The following CLTCL1 variants were observed in gnomAD, a reference collection of about 807,000 sequenced individuals.
The protein encoded by CLTCL1 is clathrin heavy chain 2.
Under a neutral mutation model 190.0 loss-of-function variants are expected in CLTCL1, and 159 were observed. The ratio of observed to expected loss-of-function variants is 0.84; its 90% confidence interval spans 0.74 to 0.95. The LOEUF is 0.95. Among genes scored for constraint, CLTCL1 ranks in the 40% least tolerant of loss-of-function variants. The pLI is 0.00. For missense variants in CLTCL1, 1,878 were observed against 2,033.4 expected (o/e 0.92, Z 1.47); for synonymous variants, 752 against 769.6 (o/e 0.98, Z 0.38).
In CLTCL1 at chr22:19,191,440, G is replaced by A; in HGVS notation, c.4192-5C>T. 1 of 1,612,814 alleles carries A rather than the reference G, an allele frequency of 6.2e-7. No homozygotes were observed. The highest frequency in any genetic ancestry group is 8.5e-7 in the Non-Finnish European group (1 of 1,179,830). On this transcript the variant is annotated splice_region_variant and splice_polypyrimidine_tract_variant and intron_variant, in intron 26 of 32. Coordinates refer to ENST00000427926, the MANE Select transcript of CLTCL1 (RefSeq NM_007098.4). ...ACAGAGCTCGACGTTGGCAACCTGT[G>A]GTGAGCAAAGCTGAGGGTCAGTCCC...
Position 19,203,957 on chromosome 22 carries a change from C to T in CLTCL1, c.3601-2464G>A, listed in dbSNP as rs904520135. Reference sequence around the variant, plus strand: ...CACCCCACTTGGCAGCACGCCCTGCCGGCTCTGCCTTCAACACACATCCAG... The same window carrying T: ...CACCCCACTTGGCAGCACGCCCTGCTGGCTCTGCCTTCAACACACATCCAG... On this transcript the variant is annotated intron_variant, in intron 22 of 32. Coordinates refer to ENST00000427926, the MANE Select transcript of CLTCL1 (RefSeq NM_007098.4). 2.0e-4 allele frequency among the ~76,000 whole-genome samples: 30 copies of T among 152,342 alleles called. 1 individual carries two copies. The highest frequency in any genetic ancestry group is 1.2e-3 in the Admixed American group (18 of 15,312).
intron 17 of CLTCL1, among the ~76,000 whole-genome samples, chr22:19,220,661 G>A (rs1601560719): frequency 6.6e-6 from 1 of 152,226 alleles, no homozygotes; most frequent in East Asian, 1.9e-4. Context: ...GCACAAGGCT[G>A]AGCGGCGTGC....
chr22:19,209,181 T>C, intron 20 of CLTCL1, 67 bp from the exon 21 acceptor site: 1 of 1,427,902 alleles, frequency 7.0e-7, no homozygotes, highest in Non-Finnish European at 9.4e-7. Flanking sequence ...AGACACATTT[T>C]TGTTTGGTTT....
chr22:19,209,266 A>C, intron 20 of CLTCL1, 152 bp from the exon 21 acceptor site: 1 of 613,454 alleles, frequency 1.6e-6, no homozygotes. Context: ...TCTCAGATGG[A>C]CAGGTTGAGG....
intron 30 of CLTCL1, 168 bp downstream of exon 30, chr22:19,183,222 C>A (rs1265259318): frequency 1.6e-5 from 10 of 615,624 alleles, no homozygotes; most frequent in Non-Finnish European, 2.9e-5. Context: ...GGGCAGAAAA[C>A]CACTTCAGCA....
chr22:19,270,057 GA>G (rs1284753780), intron 2 of CLTCL1, among the ~76,000 whole-genome samples: 3 of 151,964 alleles, frequency 2.0e-5, no homozygotes, highest in Non-Finnish European at 4.4e-5. Flanking sequence ...CTAAAAACTG[GA>G]AACAATCCAA....
intron 2 of CLTCL1, chr22:19,258,227 G>A: frequency 5.9e-6 from 2 of 339,908 alleles, no homozygotes; most frequent in Admixed American, 4.0e-5. Context: ...GACTGTGGAG[G>A]CAGATGTCCA....
At chr22:19,180,665 G>T in intron 31 of CLTCL1, 66 bp downstream of exon 31, 1 of 1,513,998 alleles carries the variant, frequency 6.6e-7, no homozygotes, top group Non-Finnish European at 9.2e-7. Context: ...CCAGGTAAGG[G>T]CAGTGGGACT....
chr22:19,275,307 CA>C (rs1462926347), intron 2 of CLTCL1, among the ~76,000 whole-genome samples: 1 of 151,994 alleles, frequency 6.6e-6, no homozygotes, highest in Non-Finnish European at 1.5e-5. Context: ...GGCCCTCAGG[CA>C]AGGGGGCCAC....
At chr22:19,233,372 C>T in intron 8 of CLTCL1, 50 bp downstream of exon 8, 1 of 1,610,558 alleles carries the variant, frequency 6.2e-7, no homozygotes, top group Non-Finnish European at 8.5e-7. Flanking sequence ...GGAGCCTGGA[C>T]CAAGTTTTCA....
Position 19,222,082 on chromosome 22 carries a change from G to T in CLTCL1, c.2430C>A (p.Ser810Arg). 1 of 1,613,932 alleles carries T rather than the reference G, an allele frequency of 6.2e-7. No homozygotes were observed. The highest frequency in any genetic ancestry group is 8.5e-7 in the Non-Finnish European group (1 of 1,179,846). Residue 810 changes from serine (S) to arginine (R), a missense_variant, in exon 16 of 33, where the codon AGC (serine) becomes AGA (arginine). By Grantham distance (110) the Ser-to-Arg change is moderately radical. Transcript: ENST00000427926. The stretch of plus-strand genomic sequence containing the variant: ...GCCCTCCAATCACAGCTGGGGTCCG[G>T]CTAGGGTTGACCTAGGGTAGTCAAG... ...IEIYVQKVNPSRTPAVIGGLL... is the reference protein window; with the variant it reads ...IEIYVQKVNPRRTPAVIGGLL...
chr22:19,266,087 T>C (rs1466271215), intron 2 of CLTCL1, among the ~76,000 whole-genome samples: 1 of 142,980 alleles, frequency 7.0e-6, no homozygotes, highest in African/African-American at 2.4e-5. Flanking sequence ...CTCCCTATGT[T>C]GCCCAGGCTG....
chr22:19,183,216 A>C, intron 30 of CLTCL1, 174 bp downstream of exon 30: 1 of 605,218 alleles, frequency 1.7e-6, no homozygotes, highest in East Asian at 2.8e-5. Flanking sequence ...AACGTTGGGC[A>C]GAAAACCACT....
In CLTCL1 at chr22:19,199,752, C is replaced by T; in HGVS notation, c.3855G>A (p.Glu1285=). ...TGGTCACCTGGTAATAGCACATCAG[C>T]TCCTCCAGCTCATCTGCATGAATGA... ...HIVIHADELE[E]LMCYYQDRGY... is the part of the protein sequence containing the mutation. Residue 1285 remains glutamate (E), a synonymous_variant, in exon 24 of 33, where the codon GAG becomes GAA. Coordinates refer to ENST00000427926, the MANE Select transcript of CLTCL1 (RefSeq NM_007098.4). 2 of 1,589,456 alleles carry T rather than the reference C, an allele frequency of 1.3e-6. No individual in the cohort carries two copies. Among genetic ancestry groups the T allele is most frequent in the South Asian group, 2.3e-5 (2 of 86,618 alleles).
chr22:19,188,163 G>A (rs1369716676), intron 27 of CLTCL1, 72 bp from the exon 28 acceptor site: 1 of 1,356,228 alleles, frequency 7.4e-7, no homozygotes, highest in Non-Finnish European at 1.1e-6. Context: ...GGGCACAGGT[G>A]GGCACGTGCG....
rs782113628 is a variant in CLTCL1 at position 19,222,763 on chromosome 22, C to G, written c.2339G>C (p.Arg780Pro). Residue 780 changes from arginine (R) to proline (P), a missense_variant, in exon 15 of 33, where the codon CGT becomes CCT. Arg to Pro is a moderately radical substitution (Grantham distance 103, BLOSUM62 -2). Coordinates refer to ENST00000427926, the MANE Select transcript of CLTCL1 (RefSeq NM_007098.4). ...GACAAGGTCATGGACAAAGCCAAAA[C>G]GATCACACACGATGATGAGGGGAAG... ...DQLPLIIVCDRFGFVHDLVLY... is the reference protein window; with the variant it reads ...DQLPLIIVCDPFGFVHDLVLY... The G allele has an allele frequency of 5.6e-6, 9 of 1,600,260 alleles. No homozygotes were observed. Among genetic ancestry groups the G allele is most frequent in the Middle Eastern group, 1.6e-4 (1 of 6,070 alleles).
chr22:19,252,575 A>G (rs552655939), intron 3 of CLTCL1, among the ~76,000 whole-genome samples: 1 of 152,288 alleles, frequency 6.6e-6, no homozygotes, highest in South Asian at 2.1e-4. Flanking sequence ...CAGTTCCTTA[A>G]TTACTAGAAT....
intron 18 of CLTCL1, among the ~76,000 whole-genome samples, chr22:19,218,630 T>C (rs537112601): frequency 1.3e-5 from 2 of 152,298 alleles, no homozygotes; most frequent in East Asian, 1.9e-4. Flanking sequence ...AAGCCACTTG[T>C]TGGACGAGGG....
chr22:19,217,105 CTT>C (rs1226452414), intron 18 of CLTCL1, among the ~76,000 whole-genome samples: 1 of 152,152 alleles, frequency 6.6e-6, no homozygotes, highest in East Asian at 1.9e-4. Context: ...TTCTGCTAGT[CTT>C]TGTGAACTCA....
Sources: gnomAD v4.1 joint callset for allele counts (sites outside exome capture counted in the v4.1 genomes callset) on GRCh38, gnomAD v4.1.1 for gene constraint, MANE v1.5 for transcripts, NCBI Gene and HGNC (gene_info 2026-07-23, HGNC 2026-07-21) for gene names.